The following POTEH variants were observed in gnomAD, a reference collection of about 807,000 sequenced individuals.
The protein encoded by POTEH is POTE ankyrin domain family member H.
Under a neutral mutation model 41.7 loss-of-function variants are expected in POTEH, and 6 were observed. The ratio of observed to expected loss-of-function variants is 0.14; its 90% CI spans 0.08 to 0.28. POTEH has a LOEUF of 0.28. POTEH is among the 10% of genes least tolerant of loss of function. POTEH has a pLI of 1.00. For missense variants in POTEH, 115 were observed against 533.5 expected (o/e 0.22, Z 7.73); for synonymous variants, 38 against 179.9 (o/e 0.21, Z 6.31).
Position 15,690,789 on chromosome 22 carries a change from C to T in POTEH, c.632+80C>T, listed in dbSNP as rs1989287273. 17 of 1,385,228 alleles carry T rather than the reference C, an allele frequency of 1.2e-5. 4 individuals are homozygous for T. The highest frequency in any genetic ancestry group is 1.5e-5 in the Non-Finnish European group (15 of 1,000,938). The allele number at this position is 1,385,228 out of a possible 1,614,324, so 85.8% of individuals were successfully genotyped here. A position where few individuals can be genotyped will look rare whatever the true frequency, so the allele number is the denominator to read the frequency against. ...CCCTCCTGGCCGGGGAGGAGGGGAG[C>T]CTGGTTTTCTTGCCTCCACAGGCCT... On this transcript the variant is annotated intron_variant, in intron 1 of 10. Coordinates refer to ENST00000343518, the MANE Select transcript of POTEH (RefSeq NM_001136213.1).
intron 1 of POTEH, among the ~76,000 whole-genome samples, chr22:15,692,874 G>A (rs1334250035): frequency 1.6e-5 from 2 of 128,310 alleles, no homozygotes; most frequent in Non-Finnish European, 3.5e-5. Flanking sequence ...CACTTTAGTG[G>A]TAAGAACCAC....
chr22:15,690,254 C>G lies in POTEH; in HGVS notation c.177C>G (p.Ser59Arg), dbSNP rs751365830. The change falls in exon 1 of 11, where the codon AGC (serine) becomes AGG (arginine). Residue 59 changes from serine to arginine, a missense_variant. Transcript: ENST00000343518. ...ATTCTGCTATGAAGACACTCAGGAG[C>G]AAGATGGGCAAGTGGTGCTGCCACT... ...HDDSAMKTLR[S>R]KMGKWCCHCF... is the part of the protein sequence containing the mutation. 7.1e-7 allele frequency: 1 copy of G among 1,410,850 alleles called. No individual in the cohort carries two copies. Among genetic ancestry groups the G allele is most frequent in the Non-Finnish European group, 9.8e-7 (1 of 1,021,014 alleles). The allele number at this position is 1,410,850 out of a possible 1,614,324, so 87.4% of individuals were successfully genotyped here.
chr22:15,710,523 C>G (rs1237590343), intron 8 of POTEH, among the ~76,000 whole-genome samples: 1 of 152,252 alleles, frequency 6.6e-6, no homozygotes, highest in Admixed American at 6.5e-5. Flanking sequence ...TTTATGTGTT[C>G]CCACCAGTCA....
At chr22:15,714,465 T>C (rs1243407395) in intron 9 of POTEH, among the ~76,000 whole-genome samples, 2 of 151,988 alleles carry the variant, frequency 1.3e-5, no homozygotes, top group Non-Finnish European at 2.9e-5. Flanking sequence ...TTCTTATCTC[T>C]TTTGCTCTGT....
At chr22:15,713,521 A>T (rs1345649055) in intron 9 of POTEH, among the ~76,000 whole-genome samples, 6 of 151,090 alleles carry the variant, frequency 4.0e-5, no homozygotes, top group African/African-American at 7.3e-5. Flanking sequence ...TTTTTTTAAG[A>T]TGAAGTCTGG....
chr22:15,692,082 T>C (rs1989333589), intron 1 of POTEH, among the ~76,000 whole-genome samples: 1 of 134,828 alleles, frequency 7.4e-6, no homozygotes, highest in Non-Finnish European at 1.7e-5. Context: ...CTCAGCTCAC[T>C]GCAACCTCTG....
intron 1 of POTEH, among the ~76,000 whole-genome samples, chr22:15,692,007 T>TATAA (rs1255266928): frequency 7.5e-6 from 1 of 133,730 alleles, no homozygotes; most frequent in Non-Finnish European, 1.7e-5. Context: ...TATATATATA[T>TATAA]AAATTTCTTT....
intron 1 of POTEH, among the ~76,000 whole-genome samples, chr22:15,691,999 T>A (rs962908243): frequency 8.5e-6 from 1 of 118,096 alleles, no homozygotes; most frequent in Non-Finnish European, 1.9e-5. Context: ...TATATATATA[T>A]ATATATATAA....
chr22:15,708,540 A>T (rs2212126), intron 7 of POTEH, among the ~76,000 whole-genome samples: 101 of 76,682 alleles, frequency 1.3e-3, no homozygotes, highest in African/African-American at 5.2e-3. Flanking sequence ...AAAAAAAAAA[A>T]AATATTTTAA....
At chr22:15,692,015 T>G (rs1989331565) in intron 1 of POTEH, among the ~76,000 whole-genome samples, 1 of 133,156 alleles carries the variant, frequency 7.5e-6, no homozygotes. Context: ...TATAAATTTC[T>G]TTTTTTTTTT....
chr22:15,705,444 G>GTT (rs376615417), intron 6 of POTEH, among the ~76,000 whole-genome samples: 14 of 144,076 alleles, frequency 9.7e-5, no homozygotes, highest in South Asian at 4.5e-4. Flanking sequence ...ATTGTTGGCA[G>GTT]TTTTTTTTTT....
intron 1 of POTEH, among the ~76,000 whole-genome samples, chr22:15,693,088 C>T (rs199984311): frequency 0.028 from 3,084 of 109,804 alleles, 81 homozygotes; most frequent in Middle Eastern, 0.07. Context: ...AGAGATATGT[C>T]GACATGCAAA....
intron 6 of POTEH, among the ~76,000 whole-genome samples, chr22:15,703,818 A>C (rs1989612856): frequency 6.8e-6 from 1 of 147,630 alleles, no homozygotes; most frequent in Admixed American, 6.8e-5. Context: ...TTCATCTTTA[A>C]GGTGCTCATA....
At position 15,690,165 on chromosome 22, in the gene POTEH, C is replaced by T. The variant is rs1989257620; in HGVS notation, c.88C>T (p.His30Tyr). 2 of 1,357,492 alleles carry T rather than the reference C, an allele frequency of 1.5e-6. No individual in the cohort carries two copies. Among genetic ancestry groups the T allele is most frequent in the Non-Finnish European group, 2.0e-6 (2 of 975,946 alleles). 84.1% of individuals were successfully genotyped at this position (1,357,492 alleles called of 1,614,324 possible). ...LRSKMGKWCR[H>Y]CFAWCRGSGK... ...AAGCAAGATGGGCAAGTGGTGCCGC[C>T]ACTGCTTCGCCTGGTGCAGGGGGAG... is the stretch of plus-strand genomic sequence containing the variant. The change falls in exon 1 of 11, where the codon CAC becomes TAC. Residue 30 changes from histidine (H) to tyrosine (Y), a missense_variant. His to Tyr is a moderately conservative substitution (Grantham distance 83, BLOSUM62 2). Transcript: ENST00000343518.
chr22:15,691,521 G>C (rs141944226), intron 1 of POTEH, among the ~76,000 whole-genome samples: 20,170 of 87,440 alleles, frequency 0.23, 1,023 homozygotes, highest in African/African-American at 0.4. Flanking sequence ...GCAAGACTCC[G>C]TCTCAAAAAA....
At position 15,690,560 on chromosome 22, in the gene POTEH, C is replaced by G. The variant is rs773575799; in HGVS notation, c.483C>G (p.Asp161Glu). The G allele has an allele frequency of 1.4e-6, 2 of 1,424,428 alleles. No individual in the cohort carries two copies. Among genetic ancestry groups the G allele is most frequent in the Non-Finnish European group, 1.9e-6 (2 of 1,026,294 alleles). The allele number at this position is 1,424,428 out of a possible 1,614,324, so 88.2% of individuals were successfully genotyped here. The change falls in exon 1 of 11, where the codon GAC (aspartate) becomes GAG (glutamate). Residue 161 changes from aspartate to glutamate, a missense_variant. Asp to Glu is a conservative substitution (Grantham distance 45, BLOSUM62 2). Transcript: ENST00000343518. ...KNKVGPWGDY[D>E]DSAFMEPRYH... The stretch of plus-strand genomic sequence containing the variant: ...AAGTGGGCCCTTGGGGAGACTACGA[C>G]GACAGCGCTTTCATGGAGCCGAGGT...
chr22:15,697,643 T>C, intron 3 of POTEH: 1 of 270,288 alleles, frequency 3.7e-6, no homozygotes, highest in Non-Finnish European at 6.6e-6. Context: ...TGAGCCACCA[T>C]TCCTGGCCTA....
At chr22:15,703,972 CAATT>C (rs1317790893) in intron 6 of POTEH, among the ~76,000 whole-genome samples, 1 of 151,332 alleles carries the variant, frequency 6.6e-6, no homozygotes, top group Admixed American at 6.6e-5. Context: ...AGAGCACAAA[CAATT>C]AAAAGTAGAG....
chr22:15,691,308 G>T (rs1273150677), intron 1 of POTEH, among the ~76,000 whole-genome samples: 1 of 138,070 alleles, frequency 7.2e-6, no homozygotes, highest in South Asian at 2.3e-4. Flanking sequence ...CAGATCATGG[G>T]GTCAGGAGAT....
Sources: gnomAD v4.1 joint callset for allele counts (sites outside exome capture counted in the v4.1 genomes callset) on GRCh38, gnomAD v4.1.1 for gene constraint, MANE v1.5 for transcripts, NCBI Gene and HGNC (gene_info 2026-07-23, HGNC 2026-07-21) for gene names.